The following SCARF2 variants were observed in gnomAD, a reference collection of about 807,000 sequenced individuals.
SCARF2 encodes scavenger receptor expressed by endothelial cells 2 protein.
A neutral mutation model predicts 73.4 loss-of-function variants in SCARF2; 39 were observed. The ratio of observed to expected loss-of-function variants is 0.53; its 90% CI spans 0.41 to 0.69. SCARF2 has a LOEUF of 0.69. SCARF2 is among the 30% of genes least tolerant of loss of function. The pLI, the probability that SCARF2 is intolerant of heterozygous loss-of-function variation, is 0.00. For synonymous variants in SCARF2, 605 were observed against 590.0 expected (o/e 1.03, Z -0.37); for missense variants, 1,148 against 1,303.5 (o/e 0.88, Z 1.84).
rs150746534 is a variant in SCARF2 at position 20,425,998 on chromosome 22, C to A, written c.1978G>T (p.Ala660Ser). Residue 660 changes from alanine to serine, a missense_variant, in exon 11 of 11, where the codon GCC becomes TCC. Transcript: ENST00000622235. This position sits in a 1 kb window ranked among gnomAD's most constrained non-coding sequence, Gnocchi z 4.6. ...ERRKPPPPDP[A>S]TKPKVSWIHG... ...ATCCAGGACACCTTAGGCTTGGTGG[C>A]GGGGTCAGGTGGCGGCGGTTTCCTG... The A allele has an allele frequency of 5.7e-5, 90 of 1,584,510 alleles. 2 individuals carry two copies. The African/African-American group carries it at 6.3e-4, about 11-fold the overall frequency.
chr22:20,428,275 C>T (rs1038271993), intron 9 of SCARF2, among the ~76,000 whole-genome samples: 3 of 137,262 alleles, frequency 2.2e-5, no homozygotes, highest in African/African-American at 5.3e-5. Context: ...TTCTCTTCTC[C>T]TCTCCTCTCC....
chr22:20,437,824 G>C lies in SCARF2; in HGVS notation c.-70C>G, dbSNP rs888142816. Reference sequence around the variant, plus strand: ...CGCAGCGAGAGCGGCCGGAAGCGGAGTGCGAGGCCGGGCGGGGGGCGGCAG... The same window carrying C: ...CGCAGCGAGAGCGGCCGGAAGCGGACTGCGAGGCCGGGCGGGGGGCGGCAG... On this transcript the variant is annotated 5_prime_UTR_variant, in exon 1 of 11. Coordinates refer to ENST00000622235, the MANE Select transcript of SCARF2 (RefSeq NM_182895.5). 6 of 578,886 alleles carry C rather than the reference G, an allele frequency of 1.0e-5. No homozygotes were observed. The African/African-American group carries it at 1.2e-4, about 12-fold the overall frequency. 35.9% of individuals were successfully genotyped at this position (578,886 alleles called of 1,614,324 possible). A position where few individuals can be genotyped will look rare whatever the true frequency, so the allele number is the denominator to read the frequency against.
chr22:20,431,764 G>A lies in SCARF2; in HGVS notation c.315C>T (p.Phe105=). The change falls in exon 3 of 11, where the codon TTC becomes TTT. Residue 105 remains phenylalanine (F), a synonymous_variant. Coordinates refer to ENST00000622235, the MANE Select transcript of SCARF2 (RefSeq NM_182895.5). ...PGECRCRHGY[F]GANCDTKCPR... is the part of the protein sequence containing the mutation. ...GCTCACTGGTGTCGCAGTTGGCACCGAAGTAGCCGTGGCGGCAGCGGCACT... is the reference window on the plus strand; with the variant it reads ...GCTCACTGGTGTCGCAGTTGGCACCAAAGTAGCCGTGGCGGCAGCGGCACT... The A allele has an allele frequency of 6.4e-7, 1 of 1,569,390 alleles. No homozygotes were observed. Among genetic ancestry groups the A allele is most frequent in the Non-Finnish European group, 8.6e-7 (1 of 1,157,774 alleles).
chr22:20,426,236 G>C lies in SCARF2; in HGVS notation c.1740C>G (p.Ala580=), dbSNP rs773231248. The C allele has an allele frequency of 6.5e-7, 1 of 1,535,974 alleles. No homozygotes were observed. Among genetic ancestry groups the C allele is most frequent in the South Asian group, 1.2e-5 (1 of 83,876 alleles). The change falls in exon 11 of 11, where the codon GCC becomes GCG. Residue 580 remains alanine, a synonymous_variant. Transcript: ENST00000622235. ...GCACAGGGGACGGCGCCGGCGCCTCGGCAGGGACAGTGGGGACTTCGGGGT... is the reference window on the plus strand; with the variant it reads ...GCACAGGGGACGGCGCCGGCGCCTCCGCAGGGACAGTGGGGACTTCGGGGT... The part of the protein sequence containing the change: ...SRDPEVPTVP[A]EAPAPSPVPL...
Position 20,425,633 on chromosome 22 carries a change from C to G in SCARF2, c.2343G>C (p.Leu781=). The G allele has an allele frequency of 7.6e-7, 1 of 1,307,730 alleles. No individual in the cohort carries two copies. Among genetic ancestry groups the G allele is most frequent in the Non-Finnish European group, 9.7e-7 (1 of 1,030,524 alleles). The allele number at this position is 1,307,730 out of a possible 1,614,324, so 81.0% of individuals were successfully genotyped here. A position where few individuals can be genotyped will look rare whatever the true frequency, so the allele number is the denominator to read the frequency against. The stretch of plus-strand genomic sequence containing the variant: ...CGCCCAGGGCCACCTCGGCGCGGCC[C>G]AGGCTGCGAGTCTTGCCGCGCAGCT... The part of the protein sequence containing the change: ...AAELRGKTRS[L]GRAEVALGAQ... Residue 781 remains leucine, a synonymous_variant, in exon 11 of 11, where the codon CTG becomes CTC. Transcript: ENST00000622235. The surrounding 1 kb of genome is among the most constrained non-coding windows in gnomAD (Gnocchi z 4.6).
intron 1 of SCARF2, among the ~76,000 whole-genome samples, chr22:20,437,242 G>C (rs1157387726): frequency 1.3e-5 from 2 of 152,232 alleles, no homozygotes; most frequent in African/African-American, 4.8e-5. Flanking sequence ...CCTTTGGCTT[G>C]AATGCCCTTC....
intron 1 of SCARF2, among the ~76,000 whole-genome samples, chr22:20,434,739 C>G (rs1162158527): frequency 6.6e-6 from 1 of 152,228 alleles, no homozygotes; most frequent in African/African-American, 2.4e-5. Flanking sequence ...CCGTAGGCTT[C>G]TCCCTCGTAG....
intron 1 of SCARF2, among the ~76,000 whole-genome samples, chr22:20,434,856 T>G (rs1439937948): frequency 2.6e-5 from 4 of 152,104 alleles, no homozygotes; most frequent in African/African-American, 4.8e-5. Context: ...CAGAAAAGCT[T>G]CTCTGCCTGC....
In SCARF2 at chr22:20,429,540, G is replaced by C. The variant is rs2052617842; in HGVS notation, c.1420C>G (p.Arg474Gly). The C allele has an allele frequency of 6.2e-7, 1 of 1,612,562 alleles. No homozygotes were observed. Among genetic ancestry groups the C allele is most frequent in the Non-Finnish European group, 8.5e-7 (1 of 1,179,714 alleles). ...CCACRGKDPT[R>G]RELSLGRKKA... ...CGGGGCAGTATCTGGGCTCACCGGC[G>C]CGTAGGGTCCTTGCCGCGGCAAGCG... Residue 474 changes from arginine (R) to glycine (G), a missense_variant, in exon 8 of 11, where the codon CGC becomes GGC. This residue lies in a region of SCARF2 where 437 missense variants were observed against 433.6 expected (regional missense o/e 1.01). Transcript: ENST00000622235. This position sits in a 1 kb window ranked among gnomAD's most constrained non-coding sequence, Gnocchi z 5.2.
chr22:20,426,319 G>T (rs1369459453), intron 10 of SCARF2, 37 bp from the exon 11 acceptor site: 4 of 1,530,260 alleles, frequency 2.6e-6, no homozygotes, highest in Admixed American at 3.9e-5. Flanking sequence ...CAGCCTTCAG[G>T]AATACCTTTA....
chr22:20,430,295 C>G, intron 6 of SCARF2, 134 bp downstream of exon 6: 1 of 1,113,802 alleles, frequency 9.0e-7, no homozygotes, highest in Non-Finnish European at 1.3e-6. Flanking sequence ...AGCCTACTGT[C>G]ACTCCCTAGC....
chr22:20,431,567 GC>G, intron 3 of SCARF2, 30 bp from the exon 4 acceptor site: 2 of 1,553,604 alleles, frequency 1.3e-6, no homozygotes. Context: ...GGGGTGGAAG[GC>G]CCCGGTGCTT....
chr22:20,426,386 G>T, intron 10 of SCARF2, 104 bp from the exon 11 acceptor site: 1 of 1,293,580 alleles, frequency 7.7e-7, no homozygotes, highest in Non-Finnish European at 1.1e-6. Context: ...CACGCCCTTG[G>T]CACTGTGTCA....
chr22:20,435,080 CAGA>C (rs1189423911), intron 1 of SCARF2, among the ~76,000 whole-genome samples: 2 of 152,182 alleles, frequency 1.3e-5, no homozygotes, highest in African/African-American at 4.8e-5. Flanking sequence ...ATGATGTCAC[CAGA>C]AGGAGACCTC....
In SCARF2 at chr22:20,437,696, G is replaced by T. The variant is rs1487147493; in HGVS notation, c.59C>A (p.Pro20Gln). 6.8e-7 allele frequency: 1 copy of T among 1,464,104 alleles called. No homozygotes were observed. The highest frequency in any genetic ancestry group is 9.0e-7 in the Non-Finnish European group (1 of 1,112,938). 90.7% of individuals were successfully genotyped at this position (1,464,104 alleles called of 1,614,324 possible). Residue 20 changes from proline (P) to glutamine (Q), a missense_variant, in exon 1 of 11, where the codon CCG becomes CAG. Coordinates refer to ENST00000622235, the MANE Select transcript of SCARF2 (RefSeq NM_182895.5). ...GPARRRGAGG[P>Q]PSPLLPSLLL... is the part of the protein sequence containing the mutation. ...CAGCGACGGCAGCAGCGGTGACGGC[G>T]GCCCCCCGGCTCCCCGGCGCCGCGC...
chr22:20,430,662 C>G, intron 5 of SCARF2, 28 bp downstream of exon 5: 1 of 1,597,772 alleles, frequency 6.3e-7, no homozygotes, highest in Non-Finnish European at 8.5e-7. Flanking sequence ...GACTGCGTGT[C>G]TGGGCCGACG....
chr22:20,427,486 C>T lies in SCARF2; in HGVS notation c.1605G>A (p.Glu535=). The T allele has an allele frequency of 1.2e-6, 2 of 1,614,054 alleles. No homozygotes were observed. Among genetic ancestry groups the T allele is most frequent in the Non-Finnish European group, 1.7e-6 (2 of 1,179,988 alleles). The part of the protein sequence containing the change: ...CSFLEPPSGL[E]QPSPSWSSRA... ...GAGAGGACCAGGATGGTGAGGGCTG[C>T]TCCAGCCCTGAGGGTGGCTCCAGGA... Residue 535 remains glutamate (E), a synonymous_variant, in exon 10 of 11, where the codon GAG becomes GAA. Coordinates refer to ENST00000622235, the MANE Select transcript of SCARF2 (RefSeq NM_182895.5).
rs1472206028 is a variant in SCARF2, at chr22:20,427,558, A to G, written c.1541-8T>C. 2 of 1,612,410 alleles carry G rather than the reference A, an allele frequency of 1.2e-6. No homozygotes were observed. The highest frequency in any genetic ancestry group is 2.2e-5 in the East Asian group (1 of 44,862). ...CCAGGTCGTGGTGGGCCACTGGGGA[A>G]GGATGAGGCAGAGCTGCCAGGGGTC... On this transcript the variant is annotated splice_polypyrimidine_tract_variant and splice_region_variant and intron_variant, in intron 9 of 10. Transcript: ENST00000622235.
At position 20,431,409 on chromosome 22, in the gene SCARF2, C is replaced by A; in HGVS notation, c.463G>T (p.Ala155Ser). ...ARRWGARCEH[A>S]CQCQHGTCHP... ...CACGTGCCGTGCTGGCACTGGCACG[C>A]ATGCTCGCAGCGCGCGCCCCAGCGC... The change falls in exon 4 of 11, where the codon GCG (alanine) becomes TCG (serine). Residue 155 changes from alanine to serine, a missense_variant. By Grantham distance (99) the Ala-to-Ser change is moderately conservative. This residue lies in a region of SCARF2 where 372 missense variants were observed against 532.0 expected (regional missense o/e 0.70). Coordinates refer to ENST00000622235, the MANE Select transcript of SCARF2 (RefSeq NM_182895.5). 3 of 1,537,376 alleles carry A rather than the reference C, an allele frequency of 2.0e-6. No individual in the cohort carries two copies. Among genetic ancestry groups the A allele is most frequent in the Non-Finnish European group, 2.6e-6 (3 of 1,148,224 alleles).
Sources: gnomAD v4.1 joint callset for allele counts (sites outside exome capture counted in the v4.1 genomes callset) on GRCh38, gnomAD v4.1.1 for gene constraint, gnomAD v4.1.1 regional missense constraint, Gnocchi (gnomAD v3.1) non-coding constraint, MANE v1.5 for transcripts, NCBI Gene and HGNC (gene_info 2026-07-23, HGNC 2026-07-21) for gene names.